TLK2: variants seen among roughly 807,000 people sequenced by gnomAD.
TLK2 encodes the protein serine/threonine-protein kinase tousled-like 2.
TLK2 carries 6 observed loss-of-function variants against 117.3 expected under a neutral mutation model. The observed-to-expected ratio is 0.05, with a 90% CI of 0.03 to 0.10. The LOEUF is 0.10. TLK2 is among the 10% of genes least tolerant of loss of function. The probability of loss-of-function intolerance (pLI) is 1.00; values close to 1 mark genes in which losing one functional copy is unlikely to be tolerated. For missense variants in TLK2, 299 were observed against 901.2 expected (o/e 0.33, Z 8.56); for synonymous variants, 257 against 316.7 (o/e 0.81, Z 2.00).
rs2081592612 is a variant in TLK2 at position 62,586,149 on chromosome 17, A to G, written c.1383A>G (p.Thr461=). The G allele has an allele frequency of 6.2e-7, 1 of 1,613,226 alleles. No individual in the cohort carries two copies. Among genetic ancestry groups the G allele is most frequent in the Non-Finnish European group, 8.5e-7 (1 of 1,179,590 alleles). ...TCTCTTTATAGGCATTTGATCTAAC[A>G]GAGCAAAGATACGTAGCTGTGAAAA... ...FSEVYKAFDL[T]EQRYVAVKIH... is the part of the protein sequence containing the mutation. Residue 461 remains threonine (T), a synonymous_variant, in exon 16 of 22, where the codon ACA becomes ACG. Transcript: ENST00000346027.
rs535539692 is a variant in TLK2 at position 62,565,021 on chromosome 17, G to A, written c.852G>A (p.Ala284=). 9.7e-5 allele frequency: 157 copies of A among 1,611,934 alleles called. No individual in the cohort carries two copies. The highest frequency in any genetic ancestry group is 1.2e-4 in the Non-Finnish European group (147 of 1,179,502). ...LIEKSKQEKM[A]CRDKSMQDRL... is the part of the protein sequence containing the mutation. ...CTAAGTCAAAACAAGAGAAGATGGC[G>A]TGTAGAGATAAGAGCATGCAAGACC... Residue 284 remains alanine (A), a synonymous_variant, in exon 11 of 22, where the codon GCG becomes GCA. Transcript: ENST00000346027.
At chr17:62,505,908 G>A (rs2074648339) in intron 2 of TLK2, among the ~76,000 whole-genome samples, 1 of 152,144 alleles carries the variant, frequency 6.6e-6, no homozygotes, top group Admixed American at 6.5e-5. Flanking sequence ...GCTCAGGCTG[G>A]TCTCAAACTC....
intron 21 of TLK2, chr17:62,611,855 T>TA (rs1169225019): frequency 1.3e-5 from 2 of 152,342 alleles, no homozygotes; most frequent in African/African-American, 4.8e-5. Flanking sequence ...TCTACAGTAT[T>TA]ATTGCAGATG....
upstream of TLK2, among the ~76,000 whole-genome samples, chr17:62,475,903 C>T (rs2071031938): frequency 1.3e-5 from 2 of 151,858 alleles, no homozygotes; most frequent in Admixed American, 6.6e-5. Flanking sequence ...CCTCATGATC[C>T]ACCGCCTCGG....
chr17:62,553,782 A>G, intron 9 of TLK2, 27 bp downstream of exon 9: 1 of 1,388,096 alleles, frequency 7.2e-7, no homozygotes. Context: ...AAGAGATTTT[A>G]TAGCAAGCAC....
intron 2 of TLK2, among the ~76,000 whole-genome samples, chr17:62,483,650 C>T (rs2071969354): frequency 1.3e-5 from 2 of 151,976 alleles, no homozygotes; most frequent in African/African-American, 2.4e-5. Context: ...TACAGGCGTG[C>T]GCCACTACCA....
intron 2 of TLK2, among the ~76,000 whole-genome samples, chr17:62,497,923 T>G (rs2073854147): frequency 1.3e-5 from 2 of 152,202 alleles, no homozygotes; most frequent in Admixed American, 1.3e-4. Context: ...CTCGAACTCC[T>G]GACCTCAGGT....
At chr17:62,522,169 A>G (rs1394190526) in intron 3 of TLK2, 35 bp from the exon 4 acceptor site, 2 of 1,602,416 alleles carry the variant, frequency 1.2e-6, no homozygotes. Context: ...AAAATTTACC[A>G]AAATGCTAAT....
At chr17:62,513,877 CAG>C (rs1466720519) in intron 2 of TLK2, among the ~76,000 whole-genome samples, 3 of 151,682 alleles carry the variant, frequency 2.0e-5, no homozygotes, top group Non-Finnish European at 4.4e-5. Context: ...TTAGTAGAGA[CAG>C]AGTTTCACCA....
chr17:62,501,717 T>C (rs2074214164), intron 2 of TLK2, among the ~76,000 whole-genome samples: 2 of 152,060 alleles, frequency 1.3e-5, no homozygotes, highest in African/African-American at 4.8e-5. Flanking sequence ...CCCAGCACTT[T>C]GGGAGGCTAA....
intron 16 of TLK2, among the ~76,000 whole-genome samples, chr17:62,586,617 C>T (rs906998045): frequency 7.2e-5 from 11 of 151,982 alleles, no homozygotes; most frequent in Non-Finnish European, 1.6e-4. Flanking sequence ...GTCAGGAGAT[C>T]GAGACCATCC....
intron 2 of TLK2, among the ~76,000 whole-genome samples, chr17:62,485,113 C>T (rs1449756413): frequency 6.6e-6 from 1 of 152,142 alleles, no homozygotes; most frequent in East Asian, 1.9e-4. Context: ...ATTTCAGCCC[C>T]TGCAGCTCCA....
chr17:62,585,481 T>C (rs1449297958), intron 15 of TLK2: 1 of 152,316 alleles, frequency 6.6e-6, no homozygotes, highest in African/African-American at 2.4e-5. Context: ...GAGGTTGCAG[T>C]GAGCCAAGAT....
At chr17:62,547,767 G>T (rs1301538835) in intron 7 of TLK2, among the ~76,000 whole-genome samples, 25 of 152,054 alleles carry the variant, frequency 1.6e-4, no homozygotes, top group Admixed American at 1.6e-3. Flanking sequence ...AATCTGTAAA[G>T]GGCCTTTGGA....
At chr17:62,579,293 C>CTAA (rs2081043651) in intron 14 of TLK2, among the ~76,000 whole-genome samples, 1 of 152,026 alleles carries the variant, frequency 6.6e-6, no homozygotes, top group Non-Finnish European at 1.5e-5. Context: ...TCATTTAATC[C>CTAA]GCAGGATAAC....
intron 10 of TLK2, among the ~76,000 whole-genome samples, chr17:62,564,315 A>G (rs2079548812): frequency 6.6e-6 from 1 of 152,130 alleles, no homozygotes; most frequent in African/African-American, 2.4e-5. Context: ...AGGCGGGCAA[A>G]TCATGAGGTC....
chr17:62,539,254 C>T (rs547879558), intron 7 of TLK2, among the ~76,000 whole-genome samples: 2 of 152,220 alleles, frequency 1.3e-5, no homozygotes, highest in East Asian at 3.9e-4. Flanking sequence ...AGCAGTTTCC[C>T]TTCCAGTATT....
chr17:62,599,401 T>A (rs2082713745), intron 17 of TLK2, among the ~76,000 whole-genome samples: 1 of 152,228 alleles, frequency 6.6e-6, no homozygotes, highest in South Asian at 2.1e-4. Context: ...GTCTGTTTGC[T>A]CTCAGTTCTG....
intron 1 of TLK2, among the ~76,000 whole-genome samples, chr17:62,472,410 A>G (rs888366574): frequency 6.6e-6 from 1 of 152,040 alleles, no homozygotes; most frequent in East Asian, 1.9e-4. Flanking sequence ...CATGGGCCAC[A>G]TGCCTGGCTC....
Sources: gnomAD v4.1 joint callset for allele counts (sites outside exome capture counted in the v4.1 genomes callset) on GRCh38, gnomAD v4.1.1 for gene constraint, MANE v1.5 for transcripts, NCBI Gene and HGNC (gene_info 2026-07-23, HGNC 2026-07-21) for gene names.